Variants in OCA2 observed in about 807,000 individuals in gnomAD.
The protein encoded by OCA2 is OCA2 melanosomal transmembrane protein, also known as P protein.
Under a neutral mutation model 100.2 loss-of-function variants are expected in OCA2, and 77 were observed. The ratio of observed to expected loss-of-function variants is 0.77; its 90% CI spans 0.64 to 0.93. OCA2 has a LOEUF of 0.93. Among genes scored for constraint, OCA2 ranks in the 40% least tolerant of loss-of-function variants. The pLI, the probability that OCA2 is intolerant of heterozygous loss-of-function variation, is 0.00. For synonymous variants in OCA2, 432 were observed against 439.2 expected, an observed-to-expected ratio of 0.98 and a Z score of 0.21; for missense variants, 1,062 against 1,089.1, an observed-to-expected ratio of 0.98 and a Z score of 0.35.
intron 9 of OCA2, among the ~76,000 whole-genome samples, chr15:27,993,110 C>T (rs1269958022): frequency 2.0e-5 from 3 of 152,194 alleles, no homozygotes; most frequent in East Asian, 1.9e-4. Context: ...GGCAACAGAG[C>T]GAGACCCCGT....
At chr15:27,941,310 G>GA (rs1315835216) in intron 18 of OCA2, among the ~76,000 whole-genome samples, 3 of 152,252 alleles carry the variant, frequency 2.0e-5, no homozygotes, top group Non-Finnish European at 4.4e-5. Flanking sequence ...ATAACTCACA[G>GA]ATACTTTTAT....
At chr15:27,726,902 G>C in the OCA2 span, among the ~76,000 whole-genome samples, 7 of 152,232 alleles carry the variant, frequency 4.6e-5, no homozygotes, top group African/African-American at 1.4e-4. Flanking sequence ...ATCTTAAACA[G>C]TGAAGAGTGC....
At chr15:27,903,961 T>C (rs1288635522) in intron 19 of OCA2, among the ~76,000 whole-genome samples, 1 of 152,210 alleles carries the variant, frequency 6.6e-6, no homozygotes, top group Admixed American at 6.5e-5. Flanking sequence ...GAAATTGGTC[T>C]TAGCTTTTAA....
chr15:27,861,012 A>T (rs1291085941), intron 21 of OCA2, among the ~76,000 whole-genome samples: 1 of 152,256 alleles, frequency 6.6e-6, no homozygotes, highest in East Asian at 1.9e-4. Context: ...GAGCAGGGCA[A>T]GAGTGGAAAC....
At position 27,758,213 on chromosome 15, in the gene OCA2, C is replaced by T. The variant is rs76940568; in HGVS notation, c.2433-2741G>A. On this transcript the variant is annotated intron_variant, in intron 23 of 23. Coordinates refer to ENST00000354638, the MANE Select transcript of OCA2 (RefSeq NM_000275.3). ...TGGACTAGGTGCTGGGAAGCTGATA[C>T]GTCAGTGGGTACTAGAAAGAAAACA... Among the ~76,000 whole-genome samples, 213 of 152,170 alleles carry T rather than the reference C, an allele frequency of 1.4e-3. 1 individual carries two copies. Among genetic ancestry groups the T allele is most frequent in the South Asian group, 4.4e-3 (21 of 4,826 alleles).
At chr15:28,065,398 C>CT (rs762451815) in intron 2 of OCA2, among the ~76,000 whole-genome samples, 16 of 152,116 alleles carry the variant, frequency 1.1e-4, no homozygotes, top group Non-Finnish European at 1.8e-4. Context: ...CCCTAGGCCT[C>CT]TATAGTTTGT....
intron 18 of OCA2, among the ~76,000 whole-genome samples, chr15:27,928,427 G>C (rs752175885): frequency 1.3e-4 from 20 of 152,106 alleles, no homozygotes; most frequent in Admixed American, 3.9e-4. Flanking sequence ...GATATAAAAA[G>C]GTGTACTAGT....
intron 19 of OCA2, among the ~76,000 whole-genome samples, chr15:27,877,402 TTCTA>T (rs1450429417): frequency 6.6e-6 from 1 of 151,938 alleles, no homozygotes; most frequent in Non-Finnish European, 1.5e-5. Context: ...TGTCTAGGTG[TTCTA>T]TCAATTTCTG....
At chr15:27,981,320 T>C (rs920645986) in intron 14 of OCA2, among the ~76,000 whole-genome samples, 5 of 152,248 alleles carry the variant, frequency 3.3e-5, no homozygotes, top group African/African-American at 1.2e-4. Flanking sequence ...AAATGGTTTG[T>C]ATCATCGCTG....
At chr15:28,059,729 T>A (rs2043814144) in intron 2 of OCA2, among the ~76,000 whole-genome samples, 1 of 152,248 alleles carries the variant, frequency 6.6e-6, no homozygotes, top group Admixed American at 6.5e-5. Context: ...GAAGAGCAAA[T>A]CTCCTCTTGG....
At chr15:27,923,350 C>A (rs2038934369) in intron 19 of OCA2, among the ~76,000 whole-genome samples, 1 of 152,114 alleles carries the variant, frequency 6.6e-6, no homozygotes, top group Non-Finnish European at 1.5e-5. Flanking sequence ...AATTTATATT[C>A]TTTTTTTATA....
chr15:28,028,113 G>A lies in OCA2; in HGVS notation c.327-54C>T. The A allele has an allele frequency of 1.9e-6, 3 of 1,596,840 alleles. No individual in the cohort carries two copies. The South Asian group carries it at 3.3e-5, about 18-fold the overall frequency. ...CTCCTGAAATAGTAATGGCTACAAA[G>A]CAAGCTTTCCTCTGAGTTCTGACTG... is the stretch of plus-strand genomic sequence containing the variant. On this transcript the variant is annotated intron_variant, in intron 3 of 23. Transcript: ENST00000354638.
At chr15:28,009,675 G>A (rs538829185) in intron 9 of OCA2, among the ~76,000 whole-genome samples, 8 of 141,880 alleles carry the variant, frequency 5.6e-5, no homozygotes, top group African/African-American at 1.6e-4. Context: ...GCAACAGAGC[G>A]AGATTCTGTC....
chr15:27,918,649 A>C (rs972004709), intron 19 of OCA2, among the ~76,000 whole-genome samples: 1 of 152,222 alleles, frequency 6.6e-6, no homozygotes, highest in African/African-American at 2.4e-5. Context: ...ATATCCCTAT[A>C]GTTTCCAGAA....
At chr15:27,937,060 G>A (rs1260198847) in intron 18 of OCA2, among the ~76,000 whole-genome samples, 1 of 152,116 alleles carries the variant, frequency 6.6e-6, no homozygotes, top group Non-Finnish European at 1.5e-5. Context: ...CCCAGAGGCT[G>A]AATTGTGCAG....
Position 27,936,883 on chromosome 15 carries a change from G to C in OCA2, c.1952-10629C>G, listed in dbSNP as rs946344865. 7.2e-5 allele frequency among the ~76,000 whole-genome samples: 11 copies of C among 152,168 alleles called. 1 individual carries two copies. Among genetic ancestry groups the C allele is most frequent in the Admixed American group, 3.9e-4 (6 of 15,266 alleles). ...TTAGGAAATGCCTCAATTACATCAA[G>C]TGAGTCATTTAAAAGAGTTGAGGTT... On this transcript the variant is annotated intron_variant, in intron 18 of 23. Transcript: ENST00000354638.
chr15:28,056,443 C>T (rs1041027669), intron 2 of OCA2, among the ~76,000 whole-genome samples: 2 of 152,228 alleles, frequency 1.3e-5, no homozygotes, highest in African/African-American at 4.8e-5. Flanking sequence ...CTGGGACTCA[C>T]TGGCCGGAAG....
rs546834994 is a variant in OCA2, at chr15:27,979,847, G to A, written c.1503+3498C>T. Among the ~76,000 whole-genome samples, 16 of 145,480 alleles carry A rather than the reference G, an allele frequency of 1.1e-4. No individual in the cohort carries two copies. The South Asian group carries it at 1.6e-3, about 14-fold the overall frequency. ...CCTGAGTAGCTGGGACTACAAGCAC[G>A]TGCCACCATGCCCAGCTAGTGTTTT... On this transcript the variant is annotated intron_variant, in intron 14 of 23. Transcript: ENST00000354638.
At chr15:27,742,028 T>C in the OCA2 span, among the ~76,000 whole-genome samples, 2 of 152,214 alleles carry the variant, frequency 1.3e-5, no homozygotes, top group African/African-American at 2.4e-5. Flanking sequence ...CTGAAAATAA[T>C]GGTTTTAGGA....
Sources: allele counts gnomAD v4.1 joint callset (sites outside exome capture counted in the v4.1 genomes callset), GRCh38; gene constraint gnomAD v4.1.1; transcripts MANE v1.5; gene names NCBI Gene and HGNC (gene_info 2026-07-23, HGNC 2026-07-21).